NRG3: variants seen among roughly 807,000 people sequenced by gnomAD.
NRG3 encodes pro-neuregulin-3, membrane-bound isoform.
Under a neutral mutation model 66.9 loss-of-function variants are expected in NRG3, and 31 were observed. The observed-to-expected ratio is 0.46, with a 90% CI of 0.35 to 0.63. NRG3 has a LOEUF of 0.63. Among genes scored for constraint, NRG3 ranks in the 20% least tolerant of loss-of-function variants. The pLI is 0.00. For synonymous variants in NRG3, 393 were observed against 359.4 expected (o/e 1.09, Z -1.06); for missense variants, 910 against 878.9 (o/e 1.04, Z -0.45).
At chr10:82,133,936 G>A (rs1025554943) in intron 1 of NRG3, among the ~76,000 whole-genome samples, 7 of 151,990 alleles carry the variant, frequency 4.6e-5, no homozygotes, top group Non-Finnish European at 7.4e-5. Context: ...GTTATTTTTT[G>A]GCTTTTAAAT....
At chr10:82,964,516 A>T (rs180803530) in intron 6 of NRG3, among the ~76,000 whole-genome samples, 56 of 152,304 alleles carry the variant, frequency 3.7e-4, no homozygotes, top group Non-Finnish European at 6.8e-4. Context: ...TGAAAATTGC[A>T]ATTCTTAAAG....
chr10:82,375,648 A>G (rs796640886), intron 2 of NRG3, among the ~76,000 whole-genome samples: 98 of 152,310 alleles, frequency 6.4e-4, no homozygotes, highest in African/African-American at 2.2e-3. Flanking sequence ...TGGACTTTTC[A>G]AAGGGACGAT....
At position 81,876,042 on chromosome 10, in the gene NRG3, C is replaced by T. The variant is rs76381424; in HGVS notation, c.702C>T (p.Tyr234=). ...WPTAAYATSS[Y]LHDSTPSWTL... ...CTGCGGCATACGCTACCTCCTCCTACCTTCACGATTCTACTCCCTCCTGGA... is the reference window on the plus strand; with the variant it reads ...CTGCGGCATACGCTACCTCCTCCTATCTTCACGATTCTACTCCCTCCTGGA... Residue 234 remains tyrosine, a synonymous_variant, in exon 1 of 9, where the codon TAC becomes TAT. Coordinates refer to ENST00000372141, the MANE Select transcript of NRG3 (RefSeq NM_001010848.4). 2.0e-3 allele frequency: 3,191 copies of T among 1,613,994 alleles called. 84 individuals are homozygous for T. The Admixed American group carries it at 0.045, about 23-fold the overall frequency.
chr10:82,601,860 T>G (rs553316401), intron 2 of NRG3, among the ~76,000 whole-genome samples: 1 of 146,504 alleles, frequency 6.8e-6, no homozygotes, highest in Admixed American at 6.9e-5. Flanking sequence ...AAAAAAAAAA[T>G]TATTTATATA....
chr10:82,582,648 A>G (rs2046420862), intron 2 of NRG3, among the ~76,000 whole-genome samples: 1 of 148,314 alleles, frequency 6.7e-6, no homozygotes, highest in Non-Finnish European at 1.5e-5. Context: ...AAGAGGGAAA[A>G]ATATCTATAT....
At chr10:82,363,433 T>G (rs1214413708) in intron 2 of NRG3, among the ~76,000 whole-genome samples, 2 of 151,754 alleles carry the variant, frequency 1.3e-5, no homozygotes, top group African/African-American at 4.8e-5. Flanking sequence ...TTTAAAAGCC[T>G]TATACTGTTT....
At chr10:82,787,739 T>C (rs2060428166) in intron 3 of NRG3, among the ~76,000 whole-genome samples, 1 of 152,146 alleles carries the variant, frequency 6.6e-6, no homozygotes, top group Admixed American at 6.5e-5. Context: ...CTTTTTTCAG[T>C]GTGTAGGAAT....
intron 1 of NRG3, among the ~76,000 whole-genome samples, chr10:82,077,230 A>T (rs1174818110): frequency 6.6e-6 from 1 of 152,218 alleles, no homozygotes; most frequent in Non-Finnish European, 1.5e-5. Flanking sequence ...TGCTCATTGC[A>T]CATTAGTTTT....
chr10:82,406,578 A>G (rs2087538162), intron 2 of NRG3, among the ~76,000 whole-genome samples: 1 of 152,198 alleles, frequency 6.6e-6, no homozygotes, highest in Admixed American at 6.5e-5. Context: ...ATGTGCTTGA[A>G]GCCCAGCAAT....
intron 2 of NRG3, among the ~76,000 whole-genome samples, chr10:82,599,175 T>C (rs1056547355): frequency 1.2e-4 from 18 of 152,130 alleles, no homozygotes; most frequent in African/African-American, 3.9e-4. Flanking sequence ...ACTAAAATAG[T>C]GGCTACAGAA....
intron 1 of NRG3, among the ~76,000 whole-genome samples, chr10:81,876,774 G>C (rs1172084660): frequency 2.0e-5 from 3 of 152,082 alleles, no homozygotes; most frequent in Non-Finnish European, 4.4e-5. Flanking sequence ...GAAAGGAGGC[G>C]ATCCAAGGCA....
chr10:82,865,576 G>T, intron 4 of NRG3, 139 bp downstream of exon 4: 1 of 766,130 alleles, frequency 1.3e-6, no homozygotes, highest in South Asian at 2.5e-5. Context: ...TACTCTTGTC[G>T]AGTTTTCACT....
chr10:82,910,967 C>T (rs1228477134), intron 4 of NRG3, among the ~76,000 whole-genome samples: 1 of 152,196 alleles, frequency 6.6e-6, no homozygotes, highest in Admixed American at 6.5e-5. Flanking sequence ...TGTTTCAACC[C>T]TTCTTGCACA....
At chr10:82,324,723 A>G (rs1294072792) in intron 1 of NRG3, among the ~76,000 whole-genome samples, 3 of 152,200 alleles carry the variant, frequency 2.0e-5, no homozygotes, top group South Asian at 2.1e-4. Flanking sequence ...TTTCCCTGAT[A>G]TCATTTACTT....
intron 1 of NRG3, among the ~76,000 whole-genome samples, chr10:81,899,453 G>T (rs370170711): frequency 6.6e-5 from 10 of 152,348 alleles, no homozygotes; most frequent in African/African-American, 2.4e-4. Flanking sequence ...CTGTGATTGG[G>T]TGAAACATCC....
Position 82,098,381 on chromosome 10 carries a change from G to A in NRG3, c.823+222218G>A, listed in dbSNP as rs546646397. Among the ~76,000 whole-genome samples the A allele has an allele frequency of 4.6e-5, 7 of 151,872 alleles. No homozygotes were observed. The East Asian group carries it at 1.4e-3, about 30-fold the overall frequency. ...TATGACATCTGTATATGAGAAATGA[G>A]GCTTTCTGGAGCAGAAAAGCAAACA... On this transcript the variant is annotated intron_variant, in intron 1 of 8. Coordinates refer to ENST00000372141, the MANE Select transcript of NRG3 (RefSeq NM_001010848.4).
chr10:82,846,392 G>A (rs1001854547), intron 3 of NRG3, among the ~76,000 whole-genome samples: 14 of 152,100 alleles, frequency 9.2e-5, no homozygotes, highest in African/African-American at 3.4e-4. Flanking sequence ...AATTATAATA[G>A]CAGATGATGA....
intron 2 of NRG3, among the ~76,000 whole-genome samples, chr10:82,628,451 C>T (rs1344441254): frequency 6.6e-6 from 1 of 152,086 alleles, no homozygotes; most frequent in Non-Finnish European, 1.5e-5. Context: ...TTTGAGTTGG[C>T]TCTCACCATC....
chr10:82,925,741 CTCTT>C (rs374812155), intron 4 of NRG3, among the ~76,000 whole-genome samples: 168 of 152,300 alleles, frequency 1.1e-3, no homozygotes, highest in African/African-American at 3.5e-3. Context: ...TGAAAAGTCA[CTCTT>C]TCTTTGCTTG....
Sources: allele counts gnomAD v4.1 joint callset (sites outside exome capture counted in the v4.1 genomes callset), GRCh38; gene constraint gnomAD v4.1.1; transcripts MANE v1.5; gene names NCBI Gene and HGNC (gene_info 2026-07-23, HGNC 2026-07-21).